Variants in TLE4 observed in about 807,000 individuals in gnomAD.
The protein encoded by TLE4 is transducin-like enhancer protein 4.
In TLE4, 8 loss-of-function variants were observed where a neutral mutation model predicts 92.8. The observed-to-expected ratio is 0.09, with a 90% CI of 0.05 to 0.16. TLE4 has a LOEUF of 0.16. Ranked by LOEUF, TLE4 falls within the 10% of genes least tolerant of loss-of-function variation. The probability of loss-of-function intolerance (pLI) is 1.00; values close to 1 mark genes in which losing one functional copy is unlikely to be tolerated. For synonymous variants in TLE4, 371 were observed against 374.1 expected (o/e 0.99, Z 0.10); for missense variants, 675 against 997.6 (o/e 0.68, Z 4.36).
chr9:79,706,704 A>G, intron 10 of TLE4, 43 bp from the exon 11 acceptor site: 1 of 1,586,746 alleles, frequency 6.3e-7, no homozygotes, highest in Non-Finnish European at 8.6e-7. Context: ...CAGCATTATA[A>G]ATGTGCTGTG....
At chr9:79,595,268 G>A (rs991890303) in intron 4 of TLE4, among the ~76,000 whole-genome samples, 8 of 152,204 alleles carry the variant, frequency 5.3e-5, no homozygotes, top group Non-Finnish European at 8.8e-5. Context: ...TGCGATTGGG[G>A]AATGTTGCTT....
At chr9:79,637,659 G>C (rs1222238942) in intron 6 of TLE4, among the ~76,000 whole-genome samples, 1 of 152,170 alleles carries the variant, frequency 6.6e-6, no homozygotes, top group Non-Finnish European at 1.5e-5. Context: ...GGATACTCTT[G>C]ACTCATACGT....
Position 79,706,785 on chromosome 9 carries a change from C to G in TLE4, c.822C>G (p.Pro274=), listed in dbSNP as rs772523935. 156 of 1,614,004 alleles carry G rather than the reference C, an allele frequency of 9.7e-5. 1 individual carries two copies. The highest frequency in any genetic ancestry group is 6.7e-5 in the East Asian group (3 of 44,886). The change falls in exon 11 of 20, where the codon CCC becomes CCG. Residue 274 remains proline, a synonymous_variant. Transcript: ENST00000376552. ...SSPRGSPAHS[P]RENGLDKTRL... ...CTCGAGGGAGCCCAGCACATTCCCC[C>G]AGAGAGAATGGCCTAGACAAGACAC...
At chr9:79,579,543 T>G (rs1259665333) in intron 4 of TLE4, among the ~76,000 whole-genome samples, 2 of 152,248 alleles carry the variant, frequency 1.3e-5, no homozygotes, top group Non-Finnish European at 2.9e-5. Flanking sequence ...ATGTGAAAGC[T>G]TCTTCATTTG....
At chr9:79,719,913 T>G in intron 15 of TLE4, 133 bp from the exon 16 acceptor site, 1 of 1,204,516 alleles carries the variant, frequency 8.3e-7, no homozygotes, top group South Asian at 1.7e-5. Flanking sequence ...ATTAATCCAC[T>G]TTATCATTGT....
At chr9:79,713,099 G>T (rs1355559213) in intron 14 of TLE4, among the ~76,000 whole-genome samples, 1 of 152,166 alleles carries the variant, frequency 6.6e-6, no homozygotes, top group African/African-American at 2.4e-5. Context: ...ACAATAACCA[G>T]ACCTCTCATT....
intron 6 of TLE4, among the ~76,000 whole-genome samples, chr9:79,644,085 C>A (rs2057672539): frequency 1.3e-5 from 2 of 152,078 alleles, no homozygotes; most frequent in Admixed American, 1.3e-4. Context: ...TTCCTACAAT[C>A]CCCATATGTG....
chr9:79,654,097 C>CT, intron 8 of TLE4, 22 bp downstream of exon 8: 1 of 1,610,610 alleles, frequency 6.2e-7, no homozygotes, highest in Non-Finnish European at 8.5e-7. Flanking sequence ...AATTTACAGA[C>CT]TAAGGAATGG....
chr9:79,718,031 G>A (rs1476805564), intron 14 of TLE4: 1 of 456,630 alleles, frequency 2.2e-6, no homozygotes, highest in South Asian at 1.5e-5. Flanking sequence ...GGCTTTCCCT[G>A]GAAATGAACT....
At chr9:79,634,561 A>G (rs1439396241) in intron 6 of TLE4, among the ~76,000 whole-genome samples, 1 of 151,590 alleles carries the variant, frequency 6.6e-6, no homozygotes, top group Non-Finnish European at 1.5e-5. Flanking sequence ...TTGAGTTTTG[A>G]CAACCGAATA....
chr9:79,631,526 T>C lies in TLE4; in HGVS notation c.390+4078T>C, dbSNP rs563366522. On this transcript the variant is annotated intron_variant, in intron 6 of 19. Coordinates refer to ENST00000376552, the MANE Select transcript of TLE4 (RefSeq NM_007005.6). ...CTTTGCCTTTACCATCCTATGTGTT[T>C]GAGTTAGTTTAAAAAAAGAAAGACA... Among the ~76,000 whole-genome samples the C allele has an allele frequency of 2.2e-4, 34 of 152,234 alleles. 1 individual carries two copies. The East Asian group carries it at 5.8e-3, about 26-fold the overall frequency.
intron 8 of TLE4, chr9:79,693,667 C>T: frequency 1.9e-6 from 1 of 517,894 alleles, no homozygotes. Context: ...AGTTGTACCT[C>T]TGCTTTGAGT....
rs78542385 is a variant in TLE4 at position 79,578,324 on chromosome 9, C to T, written c.252+2147C>T. On this transcript the variant is annotated intron_variant, in intron 4 of 19. Transcript: ENST00000376552. ...TCGAAGGGTTCAACAGTAGGAGTCC[C>T]GGGAGCCCTTGGAAGTACCCTAGTA... Among the ~76,000 whole-genome samples, 1,277 of 152,252 alleles carry T rather than the reference C, an allele frequency of 8.4e-3. 21 individuals carry two copies. The highest frequency in any genetic ancestry group is 0.029 in the African/African-American group (1,196 of 41,552).
intron 5 of TLE4, among the ~76,000 whole-genome samples, chr9:79,620,850 C>CAA (rs1282262735): frequency 6.6e-6 from 1 of 152,048 alleles, no homozygotes; most frequent in East Asian, 1.9e-4. Flanking sequence ...GCTTTTTTTA[C>CAA]TCATGATGGA....
intron 6 of TLE4, among the ~76,000 whole-genome samples, chr9:79,646,840 C>T (rs1276917850): frequency 6.6e-6 from 1 of 152,142 alleles, no homozygotes; most frequent in African/African-American, 2.4e-5. Context: ...TTGCTCCCTT[C>T]TACAGGATGC....
intron 4 of TLE4, chr9:79,580,198 T>A (rs2039244600): frequency 6.6e-6 from 1 of 152,208 alleles, no homozygotes. Flanking sequence ...TTTACCATGC[T>A]CGACAGCAAA....
In TLE4 at chr9:79,573,774, C is replaced by T. The variant is rs749240282; in HGVS notation, c.131C>T (p.Ala44Val). The T allele has an allele frequency of 1.3e-5, 21 of 1,595,430 alleles. No homozygotes were observed. Among genetic ancestry groups the T allele is most frequent in the Non-Finnish European group, 1.7e-5 (20 of 1,166,366 alleles). ...AAGGAAGAGTTTCAGTTTTTACAGG[C>T]TCAATACCACAGGTAACGATATTGA... is the stretch of plus-strand genomic sequence containing the variant. ...RIKEEFQFLQ[A>V]QYHSLKLECE... is the part of the protein sequence containing the mutation. Residue 44 changes from alanine (A) to valine (V), a missense_variant, in exon 2 of 20, where the codon GCT (alanine) becomes GTT (valine). By Grantham distance (64) the Ala-to-Val change is moderately conservative (BLOSUM62 0). Transcript: ENST00000376552.
At chr9:79,611,937 A>AG (rs2048462472) in intron 4 of TLE4, among the ~76,000 whole-genome samples, 1 of 89,420 alleles carries the variant, frequency 1.1e-5, no homozygotes, top group African/African-American at 6.2e-5. Flanking sequence ...TATCCACAGT[A>AG]AAAAAAAAAA....
chr9:79,573,397 G>C (rs779147089), intron 1 of TLE4: 15 of 1,185,112 alleles, frequency 1.3e-5, no homozygotes, highest in East Asian at 4.2e-5. Flanking sequence ...CGCGGCGCGC[G>C]GGTCCCTGGG....
Sources: allele counts gnomAD v4.1 joint callset (sites outside exome capture counted in the v4.1 genomes callset), GRCh38; gene constraint gnomAD v4.1.1; transcripts MANE v1.5; gene names NCBI Gene and HGNC (gene_info 2026-07-23, HGNC 2026-07-21).